The following TMPRSS15 variants were observed in gnomAD, a reference collection of about 807,000 sequenced individuals.
The protein encoded by TMPRSS15 is enteropeptidase.
Under a neutral mutation model 125.3 loss-of-function variants are expected in TMPRSS15, and 128 were observed. The observed-to-expected ratio is 1.02, with a 90% CI of 0.89 to 1.18. TMPRSS15 has a LOEUF of 1.18. Among genes scored for constraint, TMPRSS15 ranks in the 50% most tolerant of loss-of-function variants. The pLI is 0.00. For synonymous variants in TMPRSS15, 446 were observed against 423.2 expected (o/e 1.05, Z -0.66); for missense variants, 1,283 against 1,212.7 (o/e 1.06, Z -0.86).
intron 1 of TMPRSS15, among the ~76,000 whole-genome samples, chr21:18,446,800 T>C (rs2076256679): frequency 6.6e-6 from 1 of 152,170 alleles, no homozygotes; most frequent in Non-Finnish European, 1.5e-5. Context: ...TGAAAATGAA[T>C]TGAAGACCTC....
At chr21:18,357,133 AAATT>A (rs1397518779) in intron 8 of TMPRSS15, among the ~76,000 whole-genome samples, 1 of 151,878 alleles carries the variant, frequency 6.6e-6, no homozygotes, top group African/African-American at 2.4e-5. Context: ...TGTGACCACT[AAATT>A]AAGTAAGCTC....
At chr21:18,407,621 T>C (rs2076155866), upstream of TMPRSS15, among the ~76,000 whole-genome samples, 1 of 151,938 alleles carries the variant, frequency 6.6e-6, no homozygotes, top group South Asian at 2.1e-4. Flanking sequence ...TAATTTTCTC[T>C]TCCCCCGCTT....
intron 24 of TMPRSS15, among the ~76,000 whole-genome samples, chr21:18,274,699 C>T (rs946754357): frequency 2.0e-5 from 3 of 152,142 alleles, no homozygotes; most frequent in Non-Finnish European, 2.9e-5. Context: ...TTGACTCTAA[C>T]GAGGCTATGC....
chr21:18,351,081 GA>G (rs774610233), intron 10 of TMPRSS15, among the ~76,000 whole-genome samples: 1 of 151,824 alleles, frequency 6.6e-6, no homozygotes, highest in African/African-American at 2.4e-5. Flanking sequence ...TTTCTATCTT[GA>G]AAAAAATTAA....
At position 18,305,313 on chromosome 21, in the gene TMPRSS15, C is replaced by G. The variant is rs376828654; in HGVS notation, c.2166-7484G>C. 4.0e-5 allele frequency among the ~76,000 whole-genome samples: 6 copies of G among 151,418 alleles called. 1 individual carries two copies. The South Asian group carries it at 1.2e-3, about 32-fold the overall frequency. ...ACGCCATTCTCCTGCCTCAGCCTCCCGAGTAGCTGGGACTACAGGCGCCCG... is the reference window on the plus strand; with the variant it reads ...ACGCCATTCTCCTGCCTCAGCCTCCGGAGTAGCTGGGACTACAGGCGCCCG... On this transcript the variant is annotated intron_variant, in intron 18 of 24. Coordinates refer to ENST00000284885, the MANE Select transcript of TMPRSS15 (RefSeq NM_002772.3).
intron 13 of TMPRSS15, among the ~76,000 whole-genome samples, chr21:18,340,393 A>C (rs1218408519): frequency 6.6e-6 from 1 of 152,186 alleles, no homozygotes; most frequent in Non-Finnish European, 1.5e-5. Context: ...CTTTGGCCAC[A>C]GACTGAAGGC....
At chr21:18,416,698 T>G (rs2824813) in intron 1 of TMPRSS15, among the ~76,000 whole-genome samples, 96,942 of 151,852 alleles carry the variant, frequency 0.64, 31,391 homozygotes, top group Middle Eastern at 0.75. Flanking sequence ...AACTTTAAAT[T>G]TAGTTATCTT....
chr21:18,435,968 G>A (rs1354992698), intron 1 of TMPRSS15, among the ~76,000 whole-genome samples: 7 of 148,716 alleles, frequency 4.7e-5, no homozygotes, highest in East Asian at 3.9e-4. Flanking sequence ...CTGTGGGATC[G>A]GTGGTGATAT....
At chr21:18,357,883 T>C (rs2075641131) in intron 8 of TMPRSS15, among the ~76,000 whole-genome samples, 1 of 151,776 alleles carries the variant, frequency 6.6e-6, no homozygotes, top group Admixed American at 6.6e-5. Context: ...AAAATTAGAA[T>C]TTTTAATTGT....
intron 21 of TMPRSS15, among the ~76,000 whole-genome samples, chr21:18,291,213 G>C (rs2074829824): frequency 6.6e-6 from 1 of 152,162 alleles, no homozygotes; most frequent in Non-Finnish European, 1.5e-5. Context: ...ATACTAAGTT[G>C]CTTGTCCATA....
At chr21:18,293,417 T>C (rs1159904611) in intron 21 of TMPRSS15, among the ~76,000 whole-genome samples, 2 of 152,128 alleles carry the variant, frequency 1.3e-5, no homozygotes, top group Non-Finnish European at 2.9e-5. Context: ...ATGGGTAAGG[T>C]CATTCACTGG....
chr21:18,429,577 G>C (rs146658637), intron 1 of TMPRSS15, among the ~76,000 whole-genome samples: 1 of 152,128 alleles, frequency 6.6e-6, no homozygotes, highest in African/African-American at 2.4e-5. Context: ...TTTATCAGGG[G>C]TTTCCACTTT....
chr21:18,312,789 A>C lies in TMPRSS15; in HGVS notation c.2165+156T>G, dbSNP rs142747367. On this transcript the variant is annotated intron_variant, in intron 18 of 24. Transcript: ENST00000284885. Reference sequence around the variant, plus strand: ...TTATTAACAGTGGTTATTACTTGAAAATGGGGTTAATCAAGATTTTTATTT... The same window carrying C: ...TTATTAACAGTGGTTATTACTTGAACATGGGGTTAATCAAGATTTTTATTT... 2.0e-3 allele frequency among the ~76,000 whole-genome samples: 311 copies of C among 152,202 alleles called. 9 individuals carry two copies. Among genetic ancestry groups the C allele is most frequent in the Admixed American group, 0.018 (274 of 15,292 alleles).
chr21:18,471,989 G>A (rs1001253027), intron 1 of TMPRSS15, among the ~76,000 whole-genome samples: 21 of 152,188 alleles, frequency 1.4e-4, no homozygotes, highest in African/African-American at 4.8e-4. Context: ...GAAGCAAACT[G>A]ATTAAATGGA....
At chr21:18,318,437 C>G (rs1269696974) in intron 16 of TMPRSS15, among the ~76,000 whole-genome samples, 1 of 152,096 alleles carries the variant, frequency 6.6e-6, no homozygotes, top group African/African-American at 2.4e-5. Flanking sequence ...AAAATAAAAA[C>G]TTCCTATCTT....
chr21:18,388,383 TA>T (rs2075963678), intron 3 of TMPRSS15, among the ~76,000 whole-genome samples: 1 of 152,164 alleles, frequency 6.6e-6, no homozygotes, highest in African/African-American at 2.4e-5. Context: ...GATTACTTAC[TA>T]AATATCAGAA....
intron 1 of TMPRSS15, among the ~76,000 whole-genome samples, chr21:18,475,304 A>G (rs144241792): frequency 8.1e-4 from 123 of 152,320 alleles, no homozygotes; most frequent in African/African-American, 2.8e-3. Context: ...GTAATGAAAC[A>G]TAAAGAAATA....
intron 15 of TMPRSS15, among the ~76,000 whole-genome samples, chr21:18,327,713 A>T (rs556073625): frequency 1.2e-4 from 15 of 129,542 alleles, no homozygotes; most frequent in African/African-American, 4.6e-4. Context: ...TCCAAAGCAC[A>T]GTTAGATAAA....
chr21:18,345,387 C>T (rs967468289), intron 10 of TMPRSS15, among the ~76,000 whole-genome samples: 3 of 152,048 alleles, frequency 2.0e-5, no homozygotes, highest in African/African-American at 7.2e-5. Flanking sequence ...AACTCCAAAT[C>T]GCTTTTGAAT....
Sources: gnomAD v4.1 joint callset for allele counts (sites outside exome capture counted in the v4.1 genomes callset) on GRCh38, gnomAD v4.1.1 for gene constraint, MANE v1.5 for transcripts, NCBI Gene and HGNC (gene_info 2026-07-23, HGNC 2026-07-21) for gene names.